The following TRPC7 variants were observed in gnomAD, a reference collection of about 807,000 sequenced individuals.
TRPC7 encodes transient receptor potential cation channel subfamily C member 7, also known as short transient receptor potential channel 7.
In TRPC7, 42 loss-of-function variants were observed where a neutral mutation model predicts 90.1. That is an observed-to-expected ratio of 0.47 (90% confidence interval 0.36 to 0.60). The LOEUF is 0.60. Ranked by LOEUF, TRPC7 falls within the 20% of genes least tolerant of loss-of-function variation. The probability of loss-of-function intolerance (pLI) is 0.00; values close to 1 mark genes in which losing one functional copy is unlikely to be tolerated. For missense variants in TRPC7, 955 were observed against 1,112.3 expected (o/e 0.86, Z 2.01); for synonymous variants, 451 against 436.3 (o/e 1.03, Z -0.42).
intron 3 of TRPC7, among the ~76,000 whole-genome samples, chr5:136,279,320 AG>A (rs1311860528): frequency 1.3e-5 from 2 of 152,214 alleles, no homozygotes; most frequent in Admixed American, 6.5e-5. Context: ...TGATGAAGAA[AG>A]TCCTTAATGA....
intron 10 of TRPC7, among the ~76,000 whole-genome samples, chr5:136,219,747 C>T (rs535939661): frequency 6.6e-6 from 1 of 152,334 alleles, no homozygotes; most frequent in African/African-American, 2.4e-5. Flanking sequence ...GCCTGGGTGA[C>T]AGAGCAAGAC....
chr5:136,292,080 T>C (rs1047058156), intron 3 of TRPC7, among the ~76,000 whole-genome samples: 3 of 152,072 alleles, frequency 2.0e-5, no homozygotes, highest in African/African-American at 7.2e-5. Flanking sequence ...AATAAAGAGG[T>C]TCTTTGAAAC....
intron 2 of TRPC7, among the ~76,000 whole-genome samples, chr5:136,339,827 A>C (rs896173137): frequency 4.3e-5 from 6 of 139,776 alleles, no homozygotes; most frequent in African/African-American, 1.7e-4. Context: ...TGATAATTAA[A>C]CTCTCTCTAC....
At chr5:136,255,965 A>G (rs1290324741) in intron 5 of TRPC7, among the ~76,000 whole-genome samples, 1 of 152,176 alleles carries the variant, frequency 6.6e-6, no homozygotes. Context: ...ACTCTTGAAC[A>G]TTTTATGTCA....
intron 7 of TRPC7, among the ~76,000 whole-genome samples, chr5:136,246,062 A>C (rs912003730): frequency 2.5e-4 from 38 of 152,172 alleles, no homozygotes; most frequent in African/African-American, 8.4e-4. Flanking sequence ...TTGTGGACAC[A>C]GGCTTAGAGA....
At chr5:136,330,061 A>G (rs1347109378) in intron 2 of TRPC7, among the ~76,000 whole-genome samples, 3 of 152,170 alleles carry the variant, frequency 2.0e-5, no homozygotes, top group African/African-American at 7.2e-5. Context: ...GACTCAGAGA[A>G]TCCTTCAGGA....
In TRPC7 at chr5:136,251,757, TGAAGCGTGCTGTGAAGGAGGCCAC is replaced by T; in HGVS notation, c.1447_1470del (p.Val483_Phe490del). 1.9e-6 allele frequency: 3 copies of T among 1,613,880 alleles called. No homozygotes were observed. The highest frequency in any genetic ancestry group is 2.5e-6 in the Non-Finnish European group (3 of 1,179,850). On this transcript the variant is annotated inframe_deletion, in exon 6 of 12. Coordinates refer to ENST00000513104, the MANE Select transcript of TRPC7 (RefSeq NM_020389.3). ...GCCTCCGTGGCCTTCAGGAAGGCCA[TGAAGCGTGCTGTGAAGGAGGCCAC>T]GAAGATGGACAGCATCCCGAAATCT...
At chr5:136,296,147 G>A (rs1034369798) in intron 3 of TRPC7, among the ~76,000 whole-genome samples, 1 of 152,060 alleles carries the variant, frequency 6.6e-6, no homozygotes, top group African/African-American at 2.4e-5. Context: ...TGGACAGCTG[G>A]GGGTGGGGCA....
chr5:136,248,632 G>A (rs998281768), intron 6 of TRPC7, among the ~76,000 whole-genome samples: 4 of 152,202 alleles, frequency 2.6e-5, no homozygotes, highest in African/African-American at 2.4e-5. Flanking sequence ...GGTTTGCCAC[G>A]ACAGCCCTGT....
In TRPC7 at chr5:136,225,327, T is replaced by G; in HGVS notation, c.2290A>C (p.Asn764His). ...TTATTTGCTGTCAGATTTTCAGAATTCCTCATGCCAGCCTGGTAGCGAGTC... is the reference window on the plus strand; with the variant it reads ...TTATTTGCTGTCAGATTTTCAGAATGCCTCATGCCAGCCTGGTAGCGAGTC... ...KKTRYQAGMR[N>H]SENLTANNTL... The change falls in exon 10 of 12, where the codon AAT (asparagine) becomes CAT (histidine). Residue 764 changes from asparagine to histidine, a missense_variant. Around this residue, in one of 4 missense-constraint regions of TRPC7, gnomAD observed 296 missense variants for 422.7 expected, o/e 0.70. Coordinates refer to ENST00000513104, the MANE Select transcript of TRPC7 (RefSeq NM_020389.3). 1.2e-6 allele frequency: 2 copies of G among 1,612,852 alleles called. No homozygotes were observed. The highest frequency in any genetic ancestry group is 1.7e-6 in the Non-Finnish European group (2 of 1,179,586).
chr5:136,357,477 A>T (rs1044943437), intron 1 of TRPC7, 92 bp from the exon 2 acceptor site: 24 of 1,281,762 alleles, frequency 1.9e-5, no homozygotes, highest in Admixed American at 7.9e-5. Flanking sequence ...AAAGAATATC[A>T]TGCTTGGAAT....
chr5:136,300,196 A>G (rs1161806953), intron 3 of TRPC7, among the ~76,000 whole-genome samples: 4 of 152,246 alleles, frequency 2.6e-5, no homozygotes, highest in Non-Finnish European at 4.4e-5. Context: ...TTGCAAATTT[A>G]CAGTACCATC....
intron 2 of TRPC7, among the ~76,000 whole-genome samples, chr5:136,340,511 C>T (rs1248385092): frequency 6.6e-6 from 1 of 152,018 alleles, no homozygotes; most frequent in Non-Finnish European, 1.5e-5. Context: ...CTGATTTGAT[C>T]ATTATATAAT....
At chr5:136,289,568 A>G (rs1420554469) in intron 3 of TRPC7, among the ~76,000 whole-genome samples, 1 of 152,230 alleles carries the variant, frequency 6.6e-6, no homozygotes, top group Non-Finnish European at 1.5e-5. Context: ...TCTGAGATCA[A>G]ACTGCAAGGT....
chr5:136,290,832 A>G lies in TRPC7; in HGVS notation c.964-15995T>C, dbSNP rs781382171. 8.2e-4 allele frequency among the ~76,000 whole-genome samples: 125 copies of G among 152,336 alleles called. 1 individual carries two copies. The highest frequency in any genetic ancestry group is 1.5e-3 in the Non-Finnish European group (102 of 68,032). On this transcript the variant is annotated intron_variant, in intron 3 of 11. Transcript: ENST00000513104. Reference sequence around the variant, plus strand: ...CTTGAGAAGAGCAACTCCAAGAAACATAATTGTCAGATTCACCAAAGTTGA... The same window carrying G: ...CTTGAGAAGAGCAACTCCAAGAAACGTAATTGTCAGATTCACCAAAGTTGA...
intron 7 of TRPC7, among the ~76,000 whole-genome samples, chr5:136,232,074 T>C (rs577144129): frequency 8.3e-4 from 127 of 152,340 alleles, no homozygotes; most frequent in African/African-American, 2.8e-3. Flanking sequence ...GCAAGCTCTT[T>C]ATTTTTTATT....
chr5:136,293,616 AACC>A (rs1174810965), intron 3 of TRPC7, among the ~76,000 whole-genome samples: 2 of 152,184 alleles, frequency 1.3e-5, no homozygotes, highest in African/African-American at 4.8e-5. Flanking sequence ...GAGAACTACA[AACC>A]ACTGCTCAAT....
Position 136,226,228 on chromosome 5 carries a change from C to T in TRPC7, c.2068G>A (p.Ala690Thr), listed in dbSNP as rs1160431714. The T allele has an allele frequency of 4.5e-6, 7 of 1,551,696 alleles. No homozygotes were observed. Among genetic ancestry groups the T allele is most frequent in the Non-Finnish European group, 6.1e-6 (7 of 1,146,986 alleles). Residue 690 changes from alanine (A) to threonine (T), a missense_variant, in exon 9 of 12, where the codon GCC becomes ACC. By Grantham distance (58) the Ala-to-Thr change is moderately conservative. This residue lies in a region of TRPC7 where 296 missense variants were observed against 422.7 expected (regional missense o/e 0.70). Transcript: ENST00000513104. Reference protein sequence around the residue: ...EEDADVEWKFARAKLWLSYFD... With the variant: ...EEDADVEWKFTRAKLWLSYFD... ...TAAGACAGCCAGAGTTTTGCTCGGG[C>T]GAACTTCCATTCCACATCTGCATCC... is the stretch of plus-strand genomic sequence containing the variant.
chr5:136,281,264 G>T (rs984709211), intron 3 of TRPC7, among the ~76,000 whole-genome samples: 1 of 152,144 alleles, frequency 6.6e-6, no homozygotes, highest in African/African-American at 2.4e-5. Flanking sequence ...TCCTGTTAAG[G>T]ATAACATCCT....
Sources: allele counts gnomAD v4.1 joint callset (sites outside exome capture counted in the v4.1 genomes callset), GRCh38; gene constraint gnomAD v4.1.1; regional missense constraint gnomAD v4.1.1; transcripts MANE v1.5; gene names NCBI Gene and HGNC (gene_info 2026-07-23, HGNC 2026-07-21).